CLSTN2: variants seen among roughly 807,000 people sequenced by gnomAD.
CLSTN2 encodes calsyntenin-2.
A neutral mutation model predicts 101.2 loss-of-function variants in CLSTN2; 48 were observed. The observed-to-expected ratio is 0.47, with a 90% CI of 0.38 to 0.60. CLSTN2 has a LOEUF of 0.60. Among genes scored for constraint, CLSTN2 ranks in the 20% least tolerant of loss-of-function variants. CLSTN2 has a pLI of 0.00. For synonymous variants in CLSTN2, 481 were observed against 463.6 expected (o/e 1.04, Z -0.48); for missense variants, 1,160 against 1,238.2 (o/e 0.94, Z 0.95).
chr3:140,537,074 A>G (rs756484717), intron 9 of CLSTN2, among the ~76,000 whole-genome samples: 3 of 152,200 alleles, frequency 2.0e-5, no homozygotes, highest in Non-Finnish European at 1.5e-5. Flanking sequence ...AAGTCCACTT[A>G]TATACATAGT....
chr3:140,260,157 T>A (rs932423728), intron 2 of CLSTN2, among the ~76,000 whole-genome samples: 8 of 144,260 alleles, frequency 5.5e-5, no homozygotes, highest in Admixed American at 3.4e-4. Context: ...TATATATATA[T>A]TATATATAAA....
chr3:140,178,595 A>G (rs1390208301), intron 2 of CLSTN2, among the ~76,000 whole-genome samples: 1 of 152,218 alleles, frequency 6.6e-6, no homozygotes, highest in Non-Finnish European at 1.5e-5. Context: ...AGGAGTAAAA[A>G]ATAAAGGTGG....
rs961750987 is a variant in CLSTN2 at position 140,512,442 on chromosome 3, T to C, written c.1345-19882T>C. Among the ~76,000 whole-genome samples the C allele has an allele frequency of 2.0e-5, 3 of 152,226 alleles. 1 individual carries two copies. The highest frequency in any genetic ancestry group is 4.1e-4 in the South Asian group (2 of 4,832). Reference sequence around the variant, plus strand: ...AGACGGTTGTAGGTGTGTGGTCTTATTTCTGACTTTTCTATTCTGTTCCAT... The same window carrying C: ...AGACGGTTGTAGGTGTGTGGTCTTACTTCTGACTTTTCTATTCTGTTCCAT... On this transcript the variant is annotated intron_variant, in intron 8 of 16. Transcript: ENST00000458420.
chr3:139,982,993 T>A (rs2107824631), intron 1 of CLSTN2, among the ~76,000 whole-genome samples: 1 of 150,424 alleles, frequency 6.6e-6, no homozygotes, highest in South Asian at 2.1e-4. Context: ...ATAGTGTATA[T>A]ATATAATCTG....
intron 2 of CLSTN2, among the ~76,000 whole-genome samples, chr3:140,197,153 C>G (rs2107839277): frequency 6.6e-6 from 1 of 152,286 alleles, no homozygotes; most frequent in African/African-American, 2.4e-5. Flanking sequence ...TGTGAGAAGG[C>G]CACAGTCTCA....
chr3:140,551,180 A>G (rs1210004608), intron 10 of CLSTN2, among the ~76,000 whole-genome samples: 1 of 150,328 alleles, frequency 6.7e-6, no homozygotes, highest in African/African-American at 2.4e-5. Context: ...CCCTCCCTTT[A>G]CTCCTCATGT....
intron 8 of CLSTN2, among the ~76,000 whole-genome samples, chr3:140,482,137 T>G (rs1934131269): frequency 6.6e-6 from 1 of 152,232 alleles, no homozygotes; most frequent in Non-Finnish European, 1.5e-5. Context: ...ATACCTAATT[T>G]ATTGAGAGTT....
chr3:140,538,528 T>C (rs189195540), intron 9 of CLSTN2, among the ~76,000 whole-genome samples: 6 of 152,258 alleles, frequency 3.9e-5, no homozygotes, highest in Non-Finnish European at 5.9e-5. Context: ...GTACGATTTG[T>C]GGGTATAGGG....
intron 2 of CLSTN2, among the ~76,000 whole-genome samples, chr3:140,211,715 A>C (rs554481204): frequency 2.1e-4 from 32 of 152,126 alleles, no homozygotes; most frequent in African/African-American, 7.7e-4. Context: ...ACCATATTTG[A>C]ATAGGAAGAA....
At chr3:140,074,656 G>A (rs191968471) in intron 1 of CLSTN2, among the ~76,000 whole-genome samples, 148 of 152,312 alleles carry the variant, frequency 9.7e-4, no homozygotes, top group South Asian at 2.1e-3. Flanking sequence ...TCGTTTTACA[G>A]ATGAGGAAAC....
chr3:140,008,999 A>C (rs2007016230), intron 1 of CLSTN2, among the ~76,000 whole-genome samples: 1 of 152,214 alleles, frequency 6.6e-6, no homozygotes, highest in Non-Finnish European at 1.5e-5. Flanking sequence ...ATGCACACAG[A>C]AGCCTTGTTG....
intron 1 of CLSTN2, among the ~76,000 whole-genome samples, chr3:140,108,401 A>G (rs945174614): frequency 9.9e-5 from 15 of 152,220 alleles, no homozygotes; most frequent in African/African-American, 3.6e-4. Context: ...CCTGGAGCCC[A>G]TGGAACCTGG....
intron 1 of CLSTN2, among the ~76,000 whole-genome samples, chr3:139,959,740 C>T (rs369650535): frequency 7.2e-5 from 11 of 152,158 alleles, no homozygotes; most frequent in Admixed American, 3.9e-4. Flanking sequence ...CAGCCAACCC[C>T]GCCCCCCTTT....
intron 1 of CLSTN2, among the ~76,000 whole-genome samples, chr3:140,080,886 A>G (rs928973629): frequency 6.6e-6 from 1 of 152,196 alleles, no homozygotes; most frequent in African/African-American, 2.4e-5. Flanking sequence ...ATAAGGGTGG[A>G]AACTTCCATC....
intron 8 of CLSTN2, among the ~76,000 whole-genome samples, chr3:140,522,899 A>C (rs1039425804): frequency 2.0e-5 from 3 of 152,040 alleles, no homozygotes; most frequent in African/African-American, 7.3e-5. Flanking sequence ...ATTATTTCTC[A>C]GACAGGCAAA....
intron 1 of CLSTN2, among the ~76,000 whole-genome samples, chr3:139,987,511 A>G (rs1055744708): frequency 5.3e-5 from 8 of 152,208 alleles, no homozygotes; most frequent in Admixed American, 3.3e-4. Context: ...CTTTCTCACC[A>G]ACAGGGTCTC....
intron 5 of CLSTN2, among the ~76,000 whole-genome samples, chr3:140,424,431 A>G (rs2088540372): frequency 6.6e-6 from 1 of 152,166 alleles, no homozygotes; most frequent in Admixed American, 6.5e-5. Context: ...TCATGCCTCC[A>G]CTTGGACAAC....
intron 1 of CLSTN2, among the ~76,000 whole-genome samples, chr3:140,023,599 T>A (rs117806201): frequency 6.6e-6 from 1 of 152,200 alleles, no homozygotes; most frequent in East Asian, 1.9e-4. Flanking sequence ...AGACTCCATT[T>A]GATGACCCTC....
chr3:140,442,626 C>T (rs754217013), intron 5 of CLSTN2, among the ~76,000 whole-genome samples: 1 of 152,106 alleles, frequency 6.6e-6, no homozygotes, highest in Non-Finnish European at 1.5e-5. Context: ...TCAGTGGTGA[C>T]ACCTGCATGG....
Sources: gnomAD v4.1 joint callset for allele counts (sites outside exome capture counted in the v4.1 genomes callset) on GRCh38, gnomAD v4.1.1 for gene constraint, MANE v1.5 for transcripts, NCBI Gene and HGNC (gene_info 2026-07-23, HGNC 2026-07-21) for gene names.